The following FAM110B variants were observed in gnomAD, a reference collection of about 807,000 sequenced individuals.
FAM110B encodes protein FAM110B.
Under a neutral mutation model 20.4 loss-of-function variants are expected in FAM110B, and 6 were observed. The ratio of observed to expected loss-of-function variants is 0.29; its 90% CI spans 0.16 to 0.58. The LOEUF is 0.58. Ranked by LOEUF, FAM110B falls within the 20% of genes least tolerant of loss-of-function variation. The pLI is 0.90. For missense variants in FAM110B, 434 were observed against 498.2 expected (o/e 0.87, Z 1.23); for synonymous variants, 226 against 214.1 (o/e 1.06, Z -0.49).
At position 58,147,182 on chromosome 8, in the gene FAM110B, T is replaced by G. The variant is rs775788505; in HGVS notation, c.952T>G (p.Cys318Gly). 1.2e-6 allele frequency: 2 copies of G among 1,614,068 alleles called. No individual in the cohort carries two copies. Among genetic ancestry groups the G allele is most frequent in the Non-Finnish European group, 1.7e-6 (2 of 1,180,044 alleles). The change falls in exon 4 of 4, where the codon TGT (cysteine) becomes GGT (glycine). Residue 318 changes from cysteine (C) to glycine (G), a missense_variant. Physicochemically the swap from Cys to Gly is radical, Grantham distance 159. This residue lies in a region of FAM110B where 94 missense variants were observed against 137.8 expected (regional missense o/e 0.68). Coordinates refer to ENST00000519262, the MANE Select transcript of FAM110B (RefSeq NM_001377989.1). ...CAGCGCAAGCATGATCAGCTCAGAC[T>G]GTGAACAGTCTCAGGACAGTAACAG... ...FRSASMISSD[C>G]EQSQDSNSDL...
intron 2 of FAM110B, among the ~76,000 whole-genome samples, chr8:58,068,718 A>G (rs1313498427): frequency 6.6e-6 from 1 of 152,186 alleles, no homozygotes. Flanking sequence ...TTTAACATTT[A>G]CAGATTTGAT....
intron 2 of FAM110B, among the ~76,000 whole-genome samples, chr8:58,040,478 C>G (rs1805190199): frequency 2.0e-5 from 3 of 152,138 alleles, no homozygotes; most frequent in African/African-American, 2.4e-5. Flanking sequence ...ACATAGAGAC[C>G]AGGCACTCCA....
chr8:58,059,881 T>G (rs1214782679), intron 2 of FAM110B, among the ~76,000 whole-genome samples: 1 of 152,186 alleles, frequency 6.6e-6, no homozygotes, highest in Non-Finnish European at 1.5e-5. Context: ...TTTTAACTTT[T>G]AGGTTTGTGA....
At chr8:58,092,820 A>G (rs1806515674) in intron 3 of FAM110B, among the ~76,000 whole-genome samples, 1 of 152,236 alleles carries the variant, frequency 6.6e-6, no homozygotes, top group Non-Finnish European at 1.5e-5. Context: ...AGGAATCGCC[A>G]CACTGTCTTC....
At chr8:58,094,164 T>A (rs1195427067) in intron 3 of FAM110B, among the ~76,000 whole-genome samples, 1 of 152,210 alleles carries the variant, frequency 6.6e-6, no homozygotes, top group Non-Finnish European at 1.5e-5. Flanking sequence ...ACGATGGTGT[T>A]TTCTAAATAT....
intron 3 of FAM110B, among the ~76,000 whole-genome samples, chr8:58,131,402 G>C (rs1041871854): frequency 6.6e-6 from 1 of 151,966 alleles, no homozygotes; most frequent in African/African-American, 2.4e-5. Context: ...GGGATTCCAG[G>C]CATGAGCCAC....
At chr8:58,061,475 A>G (rs908369288) in intron 2 of FAM110B, among the ~76,000 whole-genome samples, 1 of 152,222 alleles carries the variant, frequency 6.6e-6, no homozygotes, top group Admixed American at 6.5e-5. Flanking sequence ...CCTCTTCATT[A>G]GAAGGCCTGC....
At chr8:58,003,954 A>T (rs753777073) in intron 1 of FAM110B, among the ~76,000 whole-genome samples, 9 of 151,988 alleles carry the variant, frequency 5.9e-5, no homozygotes, top group African/African-American at 2.2e-4. Context: ...CCCTCTAGCT[A>T]TGAAAGTTTT....
intron 1 of FAM110B, among the ~76,000 whole-genome samples, chr8:57,999,395 G>T (rs1332416901): frequency 2.6e-5 from 4 of 152,070 alleles, no homozygotes. Context: ...ATTTTTGAGT[G>T]GTTGTGTTGT....
intron 3 of FAM110B, among the ~76,000 whole-genome samples, chr8:58,138,316 CT>C (rs1803667594): frequency 6.6e-6 from 1 of 152,206 alleles, no homozygotes; most frequent in African/African-American, 2.4e-5. Flanking sequence ...TTTGAGGGGA[CT>C]TCTTTGAGAA....
At chr8:58,040,440 A>G (rs1045995366) in intron 2 of FAM110B, among the ~76,000 whole-genome samples, 9 of 152,252 alleles carry the variant, frequency 5.9e-5, no homozygotes, top group Non-Finnish European at 1.0e-4. Context: ...TGGCTCCTGC[A>G]CAGTCATCTT....
chr8:58,090,709 A>G (rs1585877529), intron 3 of FAM110B, among the ~76,000 whole-genome samples: 1 of 152,176 alleles, frequency 6.6e-6, no homozygotes, highest in African/African-American at 2.4e-5. Context: ...AATAAAGGCT[A>G]AAGTATCTGT....
chr8:58,083,350 G>A (rs1298325387), intron 3 of FAM110B, among the ~76,000 whole-genome samples: 1 of 152,168 alleles, frequency 6.6e-6, no homozygotes, highest in African/African-American at 2.4e-5. Context: ...TAAGAACTTG[G>A]GTGAAACTTT....
chr8:58,088,027 C>T (rs1475335584), intron 3 of FAM110B, among the ~76,000 whole-genome samples: 2 of 152,130 alleles, frequency 1.3e-5, no homozygotes, highest in Non-Finnish European at 2.9e-5. Context: ...AGGACCTCAA[C>T]TCAATACCTG....
At chr8:58,121,503 C>T (rs1807360237) in intron 3 of FAM110B, among the ~76,000 whole-genome samples, 1 of 152,098 alleles carries the variant, frequency 6.6e-6, no homozygotes, top group Non-Finnish European at 1.5e-5. Context: ...TTGTCTTTCC[C>T]CTTGAATTGC....
intron 3 of FAM110B, among the ~76,000 whole-genome samples, chr8:58,099,559 G>T (rs1191847073): frequency 1.3e-5 from 2 of 152,198 alleles, no homozygotes; most frequent in African/African-American, 4.8e-5. Context: ...TATTCAGTCT[G>T]TTGGGGTCTT....
At position 58,115,361 on chromosome 8, in the gene FAM110B, A is replaced by G. The variant is rs539508094; in HGVS notation, c.-324-30546A>G. On this transcript the variant is annotated intron_variant, in intron 3 of 3. Transcript: ENST00000519262. ...ACATACAAACACACACACACTAGTC[A>G]AAAGCGGAGCCTGAATCATTTTTTT... is the stretch of plus-strand genomic sequence containing the variant. Among the ~76,000 whole-genome samples the G allele has an allele frequency of 1.1e-3, 171 of 152,116 alleles. 2 individuals are homozygous for G. Among genetic ancestry groups the G allele is most frequent in the African/African-American group, 4.0e-3 (164 of 41,454 alleles).
chr8:58,097,367 TGTC>T (rs1439827788), intron 3 of FAM110B, among the ~76,000 whole-genome samples: 4 of 152,258 alleles, frequency 2.6e-5, no homozygotes, highest in Non-Finnish European at 5.9e-5. Flanking sequence ...TTCACAAAGT[TGTC>T]GTGCTGTGTT....
At chr8:58,105,626 T>C (rs1457396887) in intron 3 of FAM110B, among the ~76,000 whole-genome samples, 1 of 137,774 alleles carries the variant, frequency 7.3e-6, no homozygotes, top group East Asian at 2.3e-4. Context: ...TGGAGTGCAG[T>C]GGTGCGATCT....
Sources: gnomAD v4.1 joint callset for allele counts (sites outside exome capture counted in the v4.1 genomes callset) on GRCh38, gnomAD v4.1.1 for gene constraint, gnomAD v4.1.1 regional missense constraint, MANE v1.5 for transcripts, NCBI Gene and HGNC (gene_info 2026-07-23, HGNC 2026-07-21) for gene names.